CIT: variants seen among roughly 807,000 people sequenced by gnomAD.
The protein encoded by CIT is citron rho-interacting serine/threonine kinase, also known as citron Rho-interacting kinase.
In CIT, 79 loss-of-function variants were observed where a neutral mutation model predicts 272.7. The ratio of observed to expected loss-of-function variants is 0.29; its 90% CI spans 0.24 to 0.35. The LOEUF (loss-of-function observed/expected upper bound fraction) is 0.35, where lower values mean the gene tolerates loss of function less well. Among genes scored for constraint, CIT ranks in the 10% least tolerant of loss-of-function variants. The probability of loss-of-function intolerance (pLI) is 1.00; values close to 1 mark genes in which losing one functional copy is unlikely to be tolerated. For synonymous variants in CIT, 948 were observed against 995.6 expected (o/e 0.95, Z 0.90); for missense variants, 1,909 against 2,618.3 (o/e 0.73, Z 5.91).
chr12:119,854,502 G>C (rs954434722), intron 4 of CIT, among the ~76,000 whole-genome samples: 4 of 151,454 alleles, frequency 2.6e-5, no homozygotes, highest in Non-Finnish European at 4.4e-5. Context: ...CATTAGCCAG[G>C]CATGGTGGCA....
rs1163244842 is a variant in CIT, at chr12:119,776,901, C to G, written c.1666-59G>C. 1.9e-6 allele frequency: 3 copies of G among 1,551,804 alleles called. No homozygotes were observed. In the African/African-American group the frequency reaches 4.1e-5, roughly 21 times the overall value. ...TCGAACTCCGAAAAGAATAGACAGG[C>G]AGTGAGGATGGAAGAGTATTAACCA... On this transcript the variant is annotated intron_variant, in intron 13 of 47. Coordinates refer to ENST00000392521, the MANE Select transcript of CIT (RefSeq NM_001206999.2).
Position 119,784,559 on chromosome 12 carries a change from G to C in CIT, c.1401+401C>G. 8.5e-7 allele frequency: 1 copy of C among 1,174,940 alleles called. No homozygotes were observed. The highest frequency in any genetic ancestry group is 1.1e-6 in the Non-Finnish European group (1 of 940,928). 72.8% of individuals were successfully genotyped at this position (1,174,940 alleles called of 1,614,324 possible). On this transcript the variant is annotated intron_variant, in intron 11 of 47. Coordinates refer to ENST00000392521, the MANE Select transcript of CIT (RefSeq NM_001206999.2). This position sits in a 1 kb window ranked among gnomAD's most constrained non-coding sequence, Gnocchi z 4.7. ...AACAGTGAATGTTAAGAGACGTTGAGCGTAATCAACACAGTGGCCGCAGTG... is the reference window on the plus strand; with the variant it reads ...AACAGTGAATGTTAAGAGACGTTGACCGTAATCAACACAGTGGCCGCAGTG...
At chr12:119,691,009 T>C (rs1955915118) in intron 46 of CIT, among the ~76,000 whole-genome samples, 1 of 151,952 alleles carries the variant, frequency 6.6e-6, no homozygotes, top group Admixed American at 6.5e-5. Context: ...CCGTCTCTAC[T>C]AAAAATACAA....
chr12:119,778,457 T>G (rs1963985268), intron 13 of CIT, among the ~76,000 whole-genome samples: 1 of 152,188 alleles, frequency 6.6e-6, no homozygotes, highest in Non-Finnish European at 1.5e-5. Flanking sequence ...AAGAATGTCT[T>G]TAAAAATCAC....
At chr12:119,825,046 C>T in intron 8 of CIT, 119 bp downstream of exon 8, 1 of 744,938 alleles carries the variant, frequency 1.3e-6, no homozygotes, top group Non-Finnish European at 2.2e-6. Flanking sequence ...GTGATCCACC[C>T]ACCTCGGCCT....
At position 119,873,139 on chromosome 12, in the gene CIT, C is replaced by A. The variant is rs1242023860; in HGVS notation, c.96+2934G>T. Among the ~76,000 whole-genome samples, 4 of 151,982 alleles carry A rather than the reference C, an allele frequency of 2.6e-5. No homozygotes were observed. The East Asian group carries it at 7.7e-4, about 29-fold the overall frequency. On this transcript the variant is annotated intron_variant, in intron 2 of 47. Transcript: ENST00000392521. The stretch of plus-strand genomic sequence containing the variant: ...AAGTTTAAATTAAAAATAGTCCTTA[C>A]CTCTGTCATGAGGCTGAAGTGAGAT...
chr12:119,722,524 T>C lies in CIT; in HGVS notation c.3592-1075A>G, dbSNP rs1425339797. Among the ~76,000 whole-genome samples, 5 of 152,316 alleles carry C rather than the reference T, an allele frequency of 3.3e-5. No individual in the cohort carries two copies. The East Asian group carries it at 7.7e-4, about 23-fold the overall frequency. ...TTTCTTTCCATTTATATTCCTCACCTGCCCTTCCTCTTAACATGTAGCTGA... is the reference window on the plus strand; with the variant it reads ...TTTCTTTCCATTTATATTCCTCACCCGCCCTTCCTCTTAACATGTAGCTGA... On this transcript the variant is annotated intron_variant, in intron 28 of 47. Transcript: ENST00000392521.
chr12:119,804,824 G>C lies in CIT; in HGVS notation c.1112-1435C>G, dbSNP rs1293252750. Among the ~76,000 whole-genome samples, 1 of 152,236 alleles carries C rather than the reference G, an allele frequency of 6.6e-6. No homozygotes were observed. Among genetic ancestry groups the C allele is most frequent in the Non-Finnish European group, 1.5e-5 (1 of 68,044 alleles). On this transcript the variant is annotated intron_variant, in intron 9 of 47. Coordinates refer to ENST00000392521, the MANE Select transcript of CIT (RefSeq NM_001206999.2). The surrounding 1 kb of genome is among the most constrained non-coding windows in gnomAD (Gnocchi z 5.3). ...ATTCCCAGAGCTTCAGGTACATTGA[G>C]ATGAGGTGGGAGAGTGAGGAAGATT...
intron 19 of CIT, 83 bp from the exon 20 acceptor site, chr12:119,761,138 A>G: frequency 9.5e-7 from 1 of 1,056,758 alleles, no homozygotes; most frequent in Non-Finnish European, 1.5e-6. Flanking sequence ...GAGAAAATCT[A>G]GGAAAGAGGA....
At chr12:119,834,380 G>A in intron 5 of CIT, 152 bp from the exon 6 acceptor site, 1 of 657,926 alleles carries the variant, frequency 1.5e-6, no homozygotes, top group South Asian at 2.2e-5. Context: ...CATGTAGGAT[G>A]AAGTCCCTGC....
chr12:119,719,532 T>C (rs980966610), intron 30 of CIT, among the ~76,000 whole-genome samples: 3 of 152,154 alleles, frequency 2.0e-5, no homozygotes, highest in Non-Finnish European at 2.9e-5. Flanking sequence ...AACAACCATA[T>C]ACAGTCACGC....
chr12:119,692,110 G>A (rs1955986460), intron 46 of CIT, among the ~76,000 whole-genome samples: 1 of 152,080 alleles, frequency 6.6e-6, no homozygotes, highest in Non-Finnish European at 1.5e-5. Flanking sequence ...ACCAACGTTG[G>A]ACACATTGGA....
intron 3 of CIT, among the ~76,000 whole-genome samples, chr12:119,864,121 A>G (rs1251949265): frequency 5.3e-5 from 8 of 152,136 alleles, no homozygotes; most frequent in African/African-American, 1.7e-4. Flanking sequence ...ATTGTTTGCA[A>G]TAAGAAAAAA....
Position 119,721,295 on chromosome 12 carries a change from C to T in CIT, c.3732+14G>A. The T allele has an allele frequency of 6.3e-7, 1 of 1,588,980 alleles. No individual in the cohort carries two copies. The highest frequency in any genetic ancestry group is 8.6e-7 in the Non-Finnish European group (1 of 1,160,406). On this transcript the variant is annotated intron_variant, in intron 29 of 47. Coordinates refer to ENST00000392521, the MANE Select transcript of CIT (RefSeq NM_001206999.2). ...CAGACCATTTTTAAGCAGATTCCCT[C>T]TGCCAGTCCTCACCTGAATGTTTTC...
chr12:119,715,218 T>C (rs1472856305), intron 32 of CIT, among the ~76,000 whole-genome samples: 1 of 152,204 alleles, frequency 6.6e-6, no homozygotes, highest in Non-Finnish European at 1.5e-5. Context: ...ACTGTGAGTC[T>C]ATTACACCTC....
At chr12:119,803,836 A>G (rs567082721) in intron 9 of CIT, among the ~76,000 whole-genome samples, 1 of 152,326 alleles carries the variant, frequency 6.6e-6, no homozygotes, top group South Asian at 2.1e-4. Flanking sequence ...AATCGTTGAA[A>G]TAAGATGGAA....
At chr12:119,757,268 C>T (rs1014409732) in intron 22 of CIT, 103 bp downstream of exon 22, 25 of 1,432,004 alleles carry the variant, frequency 1.7e-5, no homozygotes, top group Middle Eastern at 5.1e-4. Context: ...AACCACCAAG[C>T]ACAATGTCTC....
rs1198998970 is a variant in CIT at position 119,770,184 on chromosome 12, G to T, written c.2208+601C>A. The stretch of plus-strand genomic sequence containing the variant: ...GAACCTTCCTTGATCAAGTTAATTT[G>T]GTGATCAGAGCCTGAGACAGAATCA... On this transcript the variant is annotated intron_variant, in intron 18 of 47. Transcript: ENST00000392521. The surrounding 1 kb of genome is among the most constrained non-coding windows in gnomAD (Gnocchi z 4.4). Among the ~76,000 whole-genome samples, 1 of 152,048 alleles carries T rather than the reference G, an allele frequency of 6.6e-6. No homozygotes were observed. The highest frequency in any genetic ancestry group is 1.5e-5 in the Non-Finnish European group (1 of 68,008).
At chr12:119,817,534 G>A (rs559959343) in intron 9 of CIT, among the ~76,000 whole-genome samples, 4 of 151,908 alleles carry the variant, frequency 2.6e-5, no homozygotes, top group Non-Finnish European at 5.9e-5. Context: ...AGCACATGTG[G>A]TTCAGTAAAC....
Sources: gnomAD v4.1 joint callset for allele counts (sites outside exome capture counted in the v4.1 genomes callset) on GRCh38, gnomAD v4.1.1 for gene constraint, Gnocchi (gnomAD v3.1) non-coding constraint, MANE v1.5 for transcripts, NCBI Gene and HGNC (gene_info 2026-07-23, HGNC 2026-07-21) for gene names.